EMSY: variants seen among roughly 807,000 people sequenced by gnomAD.
EMSY encodes the protein EMSY transcriptional repressor, BRCA2 interacting, also known as BRCA2-interacting transcriptional repressor EMSY.
Under a neutral mutation model 134.6 loss-of-function variants are expected in EMSY, and 26 were observed. The observed-to-expected ratio is 0.19, with a 90% confidence interval of 0.14 to 0.27. The LOEUF (loss-of-function observed/expected upper bound fraction) is 0.27. Ranked by LOEUF, EMSY falls within the 10% of genes least tolerant of loss-of-function variation. The probability of loss-of-function intolerance (pLI) is 1.00; values close to 1 mark genes in which losing one functional copy is unlikely to be tolerated. For missense variants in EMSY, 1,305 were observed against 1,611.4 expected, an observed-to-expected ratio of 0.81 and a Z score of 3.26; for synonymous variants, 579 against 577.8, an observed-to-expected ratio of 1.00 and a Z score of -0.03.
At chr11:76,484,409 A>G (rs572641340) in intron 8 of EMSY, among the ~76,000 whole-genome samples, 1 of 152,350 alleles carries the variant, frequency 6.6e-6, no homozygotes, top group Non-Finnish European at 1.5e-5. Context: ...TCAGAGCAGA[A>G]CTGAAGGAGA....
At position 76,523,304 on chromosome 11, in the gene EMSY, T is replaced by C. The variant is rs765077249; in HGVS notation, c.1821+13T>C. ...GCTAAATGCTGGAGTAAGTGAGAGC[T>C]TCAACTGCAGACTTAGCAATTCACA... On this transcript the variant is annotated intron_variant, in intron 12 of 20. Transcript: ENST00000334736. 9 of 1,605,810 alleles carry C rather than the reference T, an allele frequency of 5.6e-6. No homozygotes were observed. Among genetic ancestry groups the C allele is most frequent in the Non-Finnish European group, 7.6e-6 (9 of 1,177,326 alleles).
At chr11:76,546,384 A>C in intron 20 of EMSY, 87 bp downstream of exon 21, 1 of 1,486,444 alleles carries the variant, frequency 6.7e-7, no homozygotes, top group East Asian at 2.3e-5. Context: ...CACAGGAAGA[A>C]TCAAGCCAAG....
intron 8 of EMSY, among the ~76,000 whole-genome samples, chr11:76,487,755 A>G (rs1031263124): frequency 1.3e-5 from 2 of 152,246 alleles, no homozygotes; most frequent in African/African-American, 4.8e-5. Flanking sequence ...AATGAATTTC[A>G]TGTTTCGACT....
intron 6 of EMSY, among the ~76,000 whole-genome samples, chr11:76,463,000 C>T (rs142311610): frequency 6.6e-6 from 1 of 152,318 alleles, no homozygotes; most frequent in Non-Finnish European, 1.5e-5. Context: ...ATAAGAAGGC[C>T]TGACATGGCC....
chr11:76,504,637 T>A (rs1950003530), intron 9 of EMSY, among the ~76,000 whole-genome samples: 1 of 152,106 alleles, frequency 6.6e-6, no homozygotes, highest in Non-Finnish European at 1.5e-5. Context: ...AACAATTAAA[T>A]TAAACAAAGA....
chr11:76,535,528 T>A lies in EMSY; in HGVS notation c.2195-367T>A, dbSNP rs1424903318. Among the ~76,000 whole-genome samples, 3 of 152,218 alleles carry A rather than the reference T, an allele frequency of 2.0e-5. No homozygotes were observed. In the East Asian group the frequency reaches 5.8e-4, roughly 29 times the overall value. On this transcript the variant is annotated intron_variant, in intron 14 of 20. Coordinates refer to ENST00000334736, the Ensembl canonical transcript of EMSY. ...ACCTACACATATGCGTATCTATTTA[T>A]AATAGCAATTATCACATTGAGTTGT... is the stretch of plus-strand genomic sequence containing the variant.
chr11:76,508,913 T>C (rs1023824246), intron 9 of EMSY, among the ~76,000 whole-genome samples: 7 of 152,078 alleles, frequency 4.6e-5, no homozygotes, highest in Admixed American at 1.3e-4. Context: ...TCAGTATCAT[T>C]GTGTCTTTGG....
At chr11:76,486,084 A>G (rs1398556167) in intron 8 of EMSY, among the ~76,000 whole-genome samples, 1 of 152,226 alleles carries the variant, frequency 6.6e-6, no homozygotes, top group Non-Finnish European at 1.5e-5. Flanking sequence ...AAAGAGGATG[A>G]TTTCATGTCC....
intron 10 of EMSY, among the ~76,000 whole-genome samples, chr11:76,515,914 A>T (rs558201197): frequency 6.6e-6 from 1 of 152,352 alleles, no homozygotes; most frequent in African/African-American, 2.4e-5. Flanking sequence ...TTGATGCAAC[A>T]CATCACAAAA....
chr11:76,453,512 A>T, intron 4 of EMSY, 124 bp downstream of exon 4: 1 of 817,060 alleles, frequency 1.2e-6, no homozygotes, highest in South Asian at 2.1e-5. Context: ...ATACTCAGGG[A>T]TCCTGATCAT....
At chr11:76,500,967 C>T (rs1453502213) in intron 9 of EMSY, among the ~76,000 whole-genome samples, 3 of 152,182 alleles carry the variant, frequency 2.0e-5, no homozygotes, top group Non-Finnish European at 4.4e-5. Context: ...TGTTGATACT[C>T]AAATCTGTGG....
chr11:76,483,116 G>T (rs1949046293), intron 8 of EMSY, among the ~76,000 whole-genome samples: 1 of 152,180 alleles, frequency 6.6e-6, no homozygotes, highest in South Asian at 2.1e-4. Context: ...TTAAAGAAAA[G>T]AATTTTCAAC....
intron 9 of EMSY, among the ~76,000 whole-genome samples, chr11:76,500,545 A>G (rs1949821416): frequency 1.3e-5 from 2 of 152,240 alleles, no homozygotes; most frequent in Admixed American, 6.5e-5. Context: ...AAGAAATATC[A>G]AAAATGAACC....
At chr11:76,507,865 C>CTTTTTTTTTT (rs55756987) in intron 9 of EMSY, among the ~76,000 whole-genome samples, 14 of 118,626 alleles carry the variant, frequency 1.2e-4, no homozygotes, top group Admixed American at 2.6e-4. Flanking sequence ...TTTTCTTTTT[C>CTTTTTTTTTT]TTTTTTTTTT....
intron 6 of EMSY, among the ~76,000 whole-genome samples, chr11:76,462,537 G>A (rs1169840622): frequency 6.6e-6 from 1 of 152,240 alleles, no homozygotes; most frequent in Non-Finnish European, 1.5e-5. Flanking sequence ...GCTTAGGGGA[G>A]AGGTGGATTA....
intron 9 of EMSY, among the ~76,000 whole-genome samples, chr11:76,503,342 T>G (rs1210436758): frequency 2.8e-5 from 4 of 142,394 alleles, no homozygotes; most frequent in African/African-American, 7.7e-5. Flanking sequence ...AGGAGAGGAC[T>G]CAAATGCTTC....
exon 21 of EMSY, chr11:76,549,989 C>G (rs1042685264): frequency 1.4e-5 from 23 of 1,613,422 alleles, no homozygotes; most frequent in Non-Finnish European, 1.9e-5. Context: ...CACTCCAGCT[C>G]CAATGTGGTG....
At chr11:76,447,152 G>A (rs1947450750) in intron 2 of EMSY, 144 bp downstream of exon 2, 1 of 701,544 alleles carries the variant, frequency 1.4e-6, no homozygotes, top group East Asian at 2.9e-5. Flanking sequence ...ACTCATTGTT[G>A]TTTCCCTCAG....
intron 6 of EMSY, among the ~76,000 whole-genome samples, chr11:76,463,513 C>G (rs1207288953): frequency 1.3e-5 from 2 of 151,796 alleles, no homozygotes; most frequent in Middle Eastern, 3.4e-3. Flanking sequence ...GTCCCAGCTA[C>G]TCGGGAGGCT....
Sources: gnomAD v4.1 joint callset for allele counts (sites outside exome capture counted in the v4.1 genomes callset) on GRCh38, gnomAD v4.1.1 for gene constraint, MANE v1.5 for transcripts, NCBI Gene and HGNC (gene_info 2026-07-23, HGNC 2026-07-21) for gene names.